GOLGA5: variants seen among roughly 807,000 people sequenced by gnomAD.
GOLGA5 encodes golgin subfamily A member 5.
Under a neutral mutation model 93.5 loss-of-function variants are expected in GOLGA5, and 50 were observed. That is an observed-to-expected ratio of 0.53 (90% CI 0.43 to 0.68). The LOEUF (loss-of-function observed/expected upper bound fraction) is 0.68, where lower values mean the gene tolerates loss of function less well. Among genes scored for constraint, GOLGA5 ranks in the 30% least tolerant of loss-of-function variants. The pLI is 0.00. For missense variants in GOLGA5, 760 were observed against 856.4 expected (o/e 0.89, Z 1.40); for synonymous variants, 312 against 304.5 (o/e 1.02, Z -0.26).
In GOLGA5 at chr14:92,797,986, T is replaced by G; in HGVS notation, c.544+5T>G. 1 of 1,551,842 alleles carries G rather than the reference T, an allele frequency of 6.4e-7. No homozygotes were observed. Among genetic ancestry groups the G allele is most frequent in the Non-Finnish European group, 8.7e-7 (1 of 1,148,114 alleles). On this transcript the variant is annotated splice_donor_5th_base_variant and intron_variant, in intron 2 of 12. Transcript: ENST00000163416. ...CTTTTGGGAGCCAAACCCACGGTAG[T>G]TAATCAGTCCTCTTATTTCTTTTAG...
intron 8 of GOLGA5, among the ~76,000 whole-genome samples, 160 bp downstream of exon 8, chr14:92,819,996 C>T (rs1028481623): frequency 6.6e-6 from 1 of 152,146 alleles, no homozygotes; most frequent in Non-Finnish European, 1.5e-5. Context: ...GGTGGCCTGC[C>T]CCTCCACACC....
intron 6 of GOLGA5, 106 bp from the exon 7 acceptor site, chr14:92,816,145 G>A: frequency 2.8e-6 from 2 of 707,946 alleles, no homozygotes; most frequent in Admixed American, 4.9e-5. Flanking sequence ...TTCTTTGATG[G>A]AGATAATGGA....
intron 6 of GOLGA5, among the ~76,000 whole-genome samples, chr14:92,812,444 GA>G (rs1192787235): frequency 6.6e-6 from 1 of 152,114 alleles, no homozygotes; most frequent in Non-Finnish European, 1.5e-5. Flanking sequence ...CTGCCTAAGA[GA>G]AAAACAGTCT....
intron 2 of GOLGA5, among the ~76,000 whole-genome samples, chr14:92,802,274 G>T (rs973683986): frequency 6.6e-6 from 1 of 151,936 alleles, no homozygotes; most frequent in Non-Finnish European, 1.5e-5. Context: ...TATATTTTTT[G>T]AAACAATTAT....
chr14:92,801,069 C>G (rs1884859977), intron 2 of GOLGA5, among the ~76,000 whole-genome samples: 1 of 152,196 alleles, frequency 6.6e-6, no homozygotes, highest in Admixed American at 6.5e-5. Context: ...GTAGCACCCC[C>G]AATTGTGACA....
chr14:92,812,978 C>T (rs1885133152), intron 6 of GOLGA5, among the ~76,000 whole-genome samples: 1 of 152,194 alleles, frequency 6.6e-6, no homozygotes, highest in Non-Finnish European at 1.5e-5. Context: ...ACTGTGCAGG[C>T]ATGGAGTGTT....
chr14:92,816,426 G>A lies in GOLGA5; in HGVS notation c.1491+5G>A, dbSNP rs1183727512. ...CAGCTCAGATCCGAATTACAGGTAA[G>A]ATTCATGGTGGTTCAGCTTAGTAGA... On this transcript the variant is annotated splice_donor_5th_base_variant and intron_variant, in intron 7 of 12. Transcript: ENST00000163416. 1 of 1,613,120 alleles carries A rather than the reference G, an allele frequency of 6.2e-7. No individual in the cohort carries two copies. Among genetic ancestry groups the A allele is most frequent in the Admixed American group, 1.7e-5 (1 of 59,994 alleles).
At position 92,797,416 on chromosome 14, in the gene GOLGA5, A is replaced by G. The variant is rs768635009; in HGVS notation, c.-22A>G. ...TTATGTCCTTTTTACAGGTTTGCCA[A>G]TAGGATTATCCTGCTGCCATCATGT... On this transcript the variant is annotated 5_prime_UTR_variant, in exon 2 of 13. Coordinates refer to ENST00000163416, the MANE Select transcript of GOLGA5 (RefSeq NM_005113.4). 10 of 1,566,130 alleles carry G rather than the reference A, an allele frequency of 6.4e-6. No individual in the cohort carries two copies. Among genetic ancestry groups the G allele is most frequent in the South Asian group, 2.4e-5 (2 of 82,772 alleles).
intron 5 of GOLGA5, 104 bp from the exon 6 acceptor site, chr14:92,811,447 T>C: frequency 1.2e-6 from 1 of 809,394 alleles, no homozygotes; most frequent in Non-Finnish European, 2.1e-6. Flanking sequence ...TACTATGTTG[T>C]TTGGCTGAGC....
At chr14:92,810,632 A>G (rs571538983) in intron 5 of GOLGA5, 9 of 227,028 alleles carry the variant, frequency 4.0e-5, no homozygotes, top group Non-Finnish European at 7.6e-5. Flanking sequence ...TTTTGCAACA[A>G]TCATTGTCAT....
At chr14:92,824,926 T>G (rs1885386618) in intron 9 of GOLGA5, among the ~76,000 whole-genome samples, 1 of 152,254 alleles carries the variant, frequency 6.6e-6, no homozygotes, top group Non-Finnish European at 1.5e-5. Flanking sequence ...TCAGTGTGGT[T>G]GTGCTGATTG....
intron 1 of GOLGA5, among the ~76,000 whole-genome samples, 176 bp from the exon 2 acceptor site, chr14:92,797,232 C>T (rs1487501269): frequency 6.6e-6 from 1 of 152,070 alleles, no homozygotes; most frequent in Non-Finnish European, 1.5e-5. Context: ...ACTTTCCCCC[C>T]CATTTTCTAG....
At position 92,806,785 on chromosome 14, in the gene GOLGA5, A is replaced by G. The variant is rs1313529984; in HGVS notation, c.594A>G (p.Ser198=). The G allele has an allele frequency of 6.2e-7, 1 of 1,614,066 alleles. No homozygotes were observed. The highest frequency in any genetic ancestry group is 2.2e-5 in the East Asian group (1 of 44,874). The change falls in exon 3 of 13, where the codon TCA becomes TCG. Residue 198 remains serine, a synonymous_variant. Coordinates refer to ENST00000163416, the MANE Select transcript of GOLGA5 (RefSeq NM_005113.4). ...DSSHEGQEES[S]KENVSSNAAC... is the part of the protein sequence containing the mutation. The stretch of plus-strand genomic sequence containing the variant: ...GCCATGAAGGTCAAGAGGAATCTTC[A>G]AAGGAAAATGTGTCATCAAATGCTG...
At chr14:92,825,814 C>CCCCG (rs1885406526) in intron 9 of GOLGA5, among the ~76,000 whole-genome samples, 1 of 148,852 alleles carries the variant, frequency 6.7e-6, no homozygotes, top group African/African-American at 2.5e-5. Flanking sequence ...TCTCAGTGCA[C>CCCCG]CTCTACACTC....
chr14:92,804,852 TG>T (rs1884950541), intron 2 of GOLGA5, among the ~76,000 whole-genome samples: 1 of 151,940 alleles, frequency 6.6e-6, no homozygotes, highest in East Asian at 1.9e-4. Context: ...TTCACTATGT[TG>T]GCCAGGCTGG....
intron 11 of GOLGA5, among the ~76,000 whole-genome samples, chr14:92,836,668 T>G (rs1315392490): frequency 6.6e-6 from 1 of 152,198 alleles, no homozygotes; most frequent in Non-Finnish European, 1.5e-5. Context: ...TACAAAAGCT[T>G]CTAGATTAGC....
At chr14:92,807,176 C>T (rs1319529598) in intron 3 of GOLGA5, among the ~76,000 whole-genome samples, 1 of 152,068 alleles carries the variant, frequency 6.6e-6, no homozygotes, top group African/African-American at 2.4e-5. Flanking sequence ...GTTGCAGGCA[C>T]CTGTAATCCC....
Position 92,833,403 on chromosome 14 carries a change from T to A in GOLGA5, c.1945+56T>A, listed in dbSNP as rs113174816. 1.2e-3 allele frequency: 1,440 copies of A among 1,220,884 alleles called. 12 individuals are homozygous for A. The African/African-American group carries it at 0.019, about 16-fold the overall frequency. 75.6% of individuals were successfully genotyped at this position (1,220,884 alleles called of 1,614,324 possible). A position where few individuals can be genotyped will look rare whatever the true frequency, so the allele number is the denominator to read the frequency against. ...TTCATTCAAACATGCTTTTGAAAAG[T>A]TATAGAAGGACTATTTTTATTTGAA... On this transcript the variant is annotated intron_variant, in intron 10 of 12. Transcript: ENST00000163416.
chr14:92,816,006 G>GA (rs917531674), intron 6 of GOLGA5, among the ~76,000 whole-genome samples: 28 of 149,546 alleles, frequency 1.9e-4, no homozygotes, highest in Admixed American at 2.7e-4. Flanking sequence ...CACCCAGCTG[G>GA]AAAAAAAAAA....
Sources: allele counts gnomAD v4.1 joint callset (sites outside exome capture counted in the v4.1 genomes callset), GRCh38; gene constraint gnomAD v4.1.1; transcripts MANE v1.5; gene names NCBI Gene and HGNC (gene_info 2026-07-23, HGNC 2026-07-21).